Variants in STK3 observed in about 807,000 individuals in gnomAD.
STK3 encodes serine/threonine kinase 3, also known as serine/threonine-protein kinase 3.
Under a neutral mutation model 58.0 loss-of-function variants are expected in STK3, and 41 were observed. That is an observed-to-expected ratio of 0.71 (90% CI 0.55 to 0.92). The LOEUF (loss-of-function observed/expected upper bound fraction) is 0.92, where lower values mean the gene tolerates loss of function less well. Among genes scored for constraint, STK3 ranks in the 40% least tolerant of loss-of-function variants. STK3 has a pLI of 0.00. For synonymous variants in STK3, 170 were observed against 191.0 expected (o/e 0.89, Z 0.91); for missense variants, 479 against 602.7 (o/e 0.79, Z 2.15).
intron 6 of STK3, among the ~76,000 whole-genome samples, chr8:98,664,637 T>A (rs1300746284): frequency 6.6e-6 from 1 of 152,202 alleles, no homozygotes; most frequent in Non-Finnish European, 1.5e-5. Context: ...CCTTCAAGGG[T>A]ACTTTATATT....
At chr8:98,588,575 T>C (rs574469079) in intron 7 of STK3, among the ~76,000 whole-genome samples, 3 of 152,148 alleles carry the variant, frequency 2.0e-5, no homozygotes, top group Non-Finnish European at 4.4e-5. Flanking sequence ...CAATTATGTG[T>C]CTTGGAGTTG....
intron 8 of STK3, among the ~76,000 whole-genome samples, chr8:98,578,745 G>C (rs991473155): frequency 1.3e-5 from 2 of 152,124 alleles, no homozygotes; most frequent in Non-Finnish European, 2.9e-5. Flanking sequence ...TGTGTTTTCA[G>C]ATTTTATGAC....
chr8:98,707,052 C>T (rs1826018798), intron 5 of STK3, 95 bp downstream of exon 5: 1 of 1,317,722 alleles, frequency 7.6e-7, no homozygotes, highest in South Asian at 1.6e-5. Context: ...CTACACATTT[C>T]TTTCCATTCC....
At chr8:98,364,876 T>A in the STK3 span, among the ~76,000 whole-genome samples, 1 of 152,238 alleles carries the variant, frequency 6.6e-6, no homozygotes, top group Non-Finnish European at 1.5e-5. Context: ...TCTCCCTGCT[T>A]TGGTGTCATG....
chr8:98,396,959 G>A (rs1817902405), downstream of STK3, among the ~76,000 whole-genome samples: 1 of 152,130 alleles, frequency 6.6e-6, no homozygotes, highest in South Asian at 2.1e-4. Context: ...TTTAATCCTT[G>A]AAGCCACCTC....
intron 6 of STK3, among the ~76,000 whole-genome samples, chr8:98,652,982 C>G (rs1479346452): frequency 1.3e-5 from 2 of 152,168 alleles, no homozygotes; most frequent in Non-Finnish European, 2.9e-5. Flanking sequence ...CCAAGCGGAA[C>G]TAATAGACAT....
chr8:98,701,206 G>A (rs1255602885), intron 6 of STK3, among the ~76,000 whole-genome samples: 1 of 142,578 alleles, frequency 7.0e-6, no homozygotes, highest in Non-Finnish European at 1.5e-5. Flanking sequence ...GGGAGGGAGG[G>A]AAAAGAAAGG....
chr8:98,712,483 C>T (rs1264731359), intron 4 of STK3, among the ~76,000 whole-genome samples: 2 of 151,454 alleles, frequency 1.3e-5, no homozygotes, highest in Non-Finnish European at 2.9e-5. Context: ...GGGTTGCAAT[C>T]CTAGTCTCTG....
chr8:98,848,218 C>T (rs1564058700), intron 3 of STK3, among the ~76,000 whole-genome samples: 3 of 151,976 alleles, frequency 2.0e-5, no homozygotes, highest in African/African-American at 7.3e-5. Context: ...TCATCCCTCC[C>T]AGTCCCTGGC....
intron 6 of STK3, among the ~76,000 whole-genome samples, chr8:98,630,402 G>A (rs1819092343): frequency 6.6e-6 from 1 of 152,140 alleles, no homozygotes; most frequent in African/African-American, 2.4e-5. Flanking sequence ...AGCACTTTGG[G>A]AGGCTAAGGC....
At chr8:98,412,687 G>C (rs1411529320) in intron 3 of STK3, among the ~76,000 whole-genome samples, 4 of 152,134 alleles carry the variant, frequency 2.6e-5, no homozygotes, top group African/African-American at 9.7e-5. Flanking sequence ...TGTCCGATTT[G>C]CAATCTCAAG....
chr8:98,779,874 CAATGAATGAATGAATG>C lies in STK3; in HGVS notation c.27-5071_27-5056del, dbSNP rs750252961. Reference sequence around the variant, plus strand: ...GCACTGAGTAACCTTATATATAAGTCAATGAATGAATGAATGAATGAATGAATGAATGAATATATAT... The same window carrying C: ...GCACTGAGTAACCTTATATATAAGTCAATGAATGAATGAATGAATATATAT... On this transcript the variant is annotated intron_variant, in intron 1 of 10. Transcript: ENST00000419617. 5.1e-4 allele frequency among the ~76,000 whole-genome samples: 77 copies of C among 150,938 alleles called. 2 individuals are homozygous for C. In the South Asian group the frequency reaches 0.016, roughly 31 times the overall value.
intron 7 of STK3, among the ~76,000 whole-genome samples, chr8:98,583,226 A>G (rs1814088250): frequency 6.6e-6 from 1 of 152,188 alleles, no homozygotes; most frequent in South Asian, 2.1e-4. Flanking sequence ...AATACAATTA[A>G]GAAGTTTACT....
chr8:98,652,074 G>A (rs1021765138), intron 6 of STK3, among the ~76,000 whole-genome samples: 1 of 152,166 alleles, frequency 6.6e-6, no homozygotes, highest in Non-Finnish European at 1.5e-5. Flanking sequence ...GTTAAGGGCA[G>A]CCAGAGAGAA....
intron 8 of STK3, among the ~76,000 whole-genome samples, chr8:98,561,930 C>G (rs1466715815): frequency 6.6e-6 from 1 of 152,076 alleles, no homozygotes; most frequent in East Asian, 1.9e-4. Flanking sequence ...ATCTTCATCA[C>G]TAAGGAATTG....
chr8:98,600,238 G>A (rs1010498651), intron 6 of STK3, among the ~76,000 whole-genome samples: 8 of 152,140 alleles, frequency 5.3e-5, no homozygotes, highest in African/African-American at 1.9e-4. Context: ...TATTCTGGAA[G>A]TACAAAGCAA....
At chr8:98,748,554 A>G (rs1356628936) in intron 4 of STK3, among the ~76,000 whole-genome samples, 1 of 152,086 alleles carries the variant, frequency 6.6e-6, no homozygotes, top group Non-Finnish European at 1.5e-5. Context: ...GGCTGACAAC[A>G]TATAATAATG....
intron 6 of STK3, among the ~76,000 whole-genome samples, chr8:98,667,874 A>C (rs961341057): frequency 3.3e-5 from 5 of 152,154 alleles, no homozygotes; most frequent in Admixed American, 3.3e-4. Flanking sequence ...TTGGTAATGA[A>C]AAGAGTATAA....
At chr8:98,941,707 C>T (rs2132069648) in intron 1 of STK3, among the ~76,000 whole-genome samples, 1 of 152,268 alleles carries the variant, frequency 6.6e-6, no homozygotes, top group Non-Finnish European at 1.5e-5. Context: ...CCTCCTCCTC[C>T]ACCTCCTCCT....
Sources: gnomAD v4.1 joint callset for allele counts (sites outside exome capture counted in the v4.1 genomes callset) on GRCh38, gnomAD v4.1.1 for gene constraint, MANE v1.5 for transcripts, NCBI Gene and HGNC (gene_info 2026-07-23, HGNC 2026-07-21) for gene names.